Variants in SH3BGRL observed in about 807,000 individuals in gnomAD.
The protein encoded by SH3BGRL is SH3 domain binding glutamate rich protein like.
A neutral mutation model predicts 9.8 loss-of-function variants in SH3BGRL; 7 were observed. The observed-to-expected ratio is 0.72, with a 90% CI of 0.41 to 1.35. SH3BGRL has a LOEUF of 1.35. Ranked by LOEUF, SH3BGRL falls within the 40% of genes most tolerant of loss-of-function variation. The probability of loss-of-function intolerance (pLI) is 0.01; values close to 1 mark genes in which losing one functional copy is unlikely to be tolerated. For synonymous variants in SH3BGRL, 36 were observed against 29.1 expected, an observed-to-expected ratio of 1.24 and a Z score of -0.76; for missense variants, 73 against 84.4, an observed-to-expected ratio of 0.86 and a Z score of 0.53.
intron 1 of SH3BGRL, among the ~76,000 whole-genome samples, chrX:81,221,491 C>T (rs930849116): frequency 5.4e-5 from 6 of 111,594 alleles, no homozygotes; most frequent in African/African-American, 1.6e-4. Flanking sequence ...CTTAGGTTTC[C>T]GTCAGATTAC....
Position 81,245,404 on chromosome X carries a change from T to C in SH3BGRL, c.46-31580T>C, listed in dbSNP as rs113060545. On this transcript the variant is annotated intron_variant, in intron 1 of 3. Transcript: ENST00000373212. ...TCACATCATATTCCACAAAAATATATAGGTATGTATATATTTTTTCCAGAT... is the reference window on the plus strand; with the variant it reads ...TCACATCATATTCCACAAAAATATACAGGTATGTATATATTTTTTCCAGAT... Among the ~76,000 whole-genome samples the C allele has an allele frequency of 1.3e-3, 147 of 111,460 alleles. 1 individual carries two copies. Among genetic ancestry groups the C allele is most frequent in the Non-Finnish European group, 2.4e-3 (129 of 53,079 alleles).
At chrX:81,293,507 AC>A (rs2075864662) in intron 3 of SH3BGRL, among the ~76,000 whole-genome samples, 1 of 111,204 alleles carries the variant, frequency 9.0e-6, no homozygotes, top group Non-Finnish European at 1.9e-5. Flanking sequence ...ACATGCTGAA[AC>A]CCTGTCTCTA....
intron 1 of SH3BGRL, among the ~76,000 whole-genome samples, chrX:81,275,453 G>C (rs968384915): frequency 7.2e-5 from 8 of 111,374 alleles, no homozygotes; most frequent in African/African-American, 2.3e-4. Context: ...TTGTAAATAT[G>C]CTAATGATCG....
chrX:81,266,292 G>T (rs760724348), intron 1 of SH3BGRL, among the ~76,000 whole-genome samples: 4 of 111,605 alleles, frequency 3.6e-5, no homozygotes, highest in Admixed American at 1.9e-4. Context: ...GTCCTGAATG[G>T]TATTGCCCAG....
At chrX:81,241,894 T>C (rs2075671198) in intron 1 of SH3BGRL, among the ~76,000 whole-genome samples, 1 of 112,330 alleles carries the variant, frequency 8.9e-6, no homozygotes, top group African/African-American at 3.2e-5. Context: ...TGCCAGTGCC[T>C]GGAGCTGCCT....
intron 1 of SH3BGRL, among the ~76,000 whole-genome samples, chrX:81,215,846 T>G (rs2147669489): frequency 8.9e-6 from 1 of 111,973 alleles, no homozygotes; most frequent in Non-Finnish European, 1.9e-5. Context: ...CAATTTGCAC[T>G]TCCTTTTTAT....
intron 1 of SH3BGRL, among the ~76,000 whole-genome samples, chrX:81,207,210 G>A (rs1432977140): frequency 8.9e-6 from 1 of 111,789 alleles, no homozygotes; most frequent in Non-Finnish European, 1.9e-5. Flanking sequence ...CCATTTCATG[G>A]CATCTATGCA....
intron 1 of SH3BGRL, among the ~76,000 whole-genome samples, chrX:81,209,296 C>T (rs962022277): frequency 1.1e-4 from 12 of 111,473 alleles, no homozygotes; most frequent in African/African-American, 3.9e-4. Flanking sequence ...GCGTGAGCCA[C>T]CATGCTCAGC....
intron 1 of SH3BGRL, among the ~76,000 whole-genome samples, chrX:81,271,011 A>G (rs2075777191): frequency 8.9e-6 from 1 of 112,272 alleles, no homozygotes. Flanking sequence ...AGACTGCTGC[A>G]CTAGCAGTGA....
intron 1 of SH3BGRL, among the ~76,000 whole-genome samples, chrX:81,239,591 A>G (rs952413767): frequency 1.4e-4 from 16 of 111,812 alleles, no homozygotes; most frequent in Non-Finnish European, 2.6e-4. Flanking sequence ...AGAAAGAGAT[A>G]GGGGTAGAAA....
At chrX:81,247,716 T>G (rs758552824) in intron 1 of SH3BGRL, among the ~76,000 whole-genome samples, 1 of 111,196 alleles carries the variant, frequency 9.0e-6, no homozygotes, top group East Asian at 2.8e-4. Flanking sequence ...TGCTAGTATT[T>G]TGTTGAGGAT....
intron 1 of SH3BGRL, among the ~76,000 whole-genome samples, chrX:81,205,640 G>T (rs2075545136): frequency 9.2e-6 from 1 of 108,641 alleles, no homozygotes; most frequent in Non-Finnish European, 1.9e-5. Flanking sequence ...TTGATATACT[G>T]ATATCCTTTC....
intron 3 of SH3BGRL, among the ~76,000 whole-genome samples, chrX:81,281,184 A>G (rs1016223811): frequency 9.0e-6 from 1 of 111,038 alleles, no homozygotes; most frequent in Non-Finnish European, 1.9e-5. Flanking sequence ...ATGTTAAACG[A>G]CCAAACCTAA....
intron 1 of SH3BGRL, among the ~76,000 whole-genome samples, chrX:81,259,823 A>G (rs1469934461): frequency 1.8e-5 from 2 of 112,114 alleles, no homozygotes; most frequent in Admixed American, 9.5e-5. Context: ...AATGTTCTTA[A>G]CTTCACACTT....
At chrX:81,255,734 C>T (rs2147697491) in intron 1 of SH3BGRL, 1 of 112,013 alleles carries the variant, frequency 8.9e-6, no homozygotes, top group East Asian at 2.8e-4. Flanking sequence ...CCTTCTTTCA[C>T]TTTATTTATA....
At chrX:81,231,443 A>G (rs936964938) in intron 1 of SH3BGRL, among the ~76,000 whole-genome samples, 9 of 112,368 alleles carry the variant, frequency 8.0e-5, no homozygotes, top group African/African-American at 2.9e-4. Context: ...CATTATTCAT[A>G]TTCATCACTT....
intron 3 of SH3BGRL, among the ~76,000 whole-genome samples, chrX:81,293,397 A>G (rs2075864248): frequency 8.9e-6 from 1 of 111,861 alleles, no homozygotes; most frequent in Non-Finnish European, 1.9e-5. Flanking sequence ...AAAAATGTGG[A>G]TGTGGCCAGG....
At chrX:81,207,522 A>C (rs1179003505) in intron 1 of SH3BGRL, among the ~76,000 whole-genome samples, 1 of 112,249 alleles carries the variant, frequency 8.9e-6, no homozygotes, top group Non-Finnish European at 1.9e-5. Context: ...GTGGTTCTCA[A>C]ATAATTGTAC....
intron 1 of SH3BGRL, among the ~76,000 whole-genome samples, chrX:81,249,876 G>C (rs1219242788): frequency 9.0e-6 from 1 of 111,056 alleles, no homozygotes; most frequent in African/African-American, 3.3e-5. Context: ...AGGAATTTTG[G>C]GGGGAGTAAT....
Sources: gnomAD v4.1 joint callset for allele counts (sites outside exome capture counted in the v4.1 genomes callset) on GRCh38, gnomAD v4.1.1 for gene constraint, MANE v1.5 for transcripts, NCBI Gene and HGNC (gene_info 2026-07-23, HGNC 2026-07-21) for gene names.